SEL1L: variants seen among roughly 807,000 people sequenced by gnomAD.
SEL1L encodes SEL1L adaptor subunit of SYVN1 ubiquitin ligase, also known as protein sel-1 homolog 1.
A neutral mutation model predicts 109.8 loss-of-function variants in SEL1L; 52 were observed. That is an observed-to-expected ratio of 0.47 (90% CI 0.38 to 0.60). The LOEUF is 0.60. SEL1L is among the 20% of genes least tolerant of loss of function. The pLI, the probability that SEL1L is intolerant of heterozygous loss-of-function variation, is 0.00. For synonymous variants in SEL1L, 373 were observed against 339.6 expected (o/e 1.10, Z -1.08); for missense variants, 749 against 962.2 (o/e 0.78, Z 2.93).
rs1397004149 is a variant in SEL1L at position 81,471,976 on chromosome 14, C to G, written c.*4996G>C. 1 of 152,156 alleles carries G rather than the reference C, an allele frequency of 6.6e-6. No homozygotes were observed. Among genetic ancestry groups the G allele is most frequent in the African/African-American group, 2.4e-5 (1 of 41,418 alleles). 9.4% of individuals were successfully genotyped at this position (152,156 alleles called of 1,614,324 possible). ...TTTTTATTTTTCGTAGTTTCTACTACAGAAATTCTGATTTTTTTTACTTGC... is the reference window on the plus strand; with the variant it reads ...TTTTTATTTTTCGTAGTTTCTACTAGAGAAATTCTGATTTTTTTTACTTGC... On this transcript the variant is annotated 3_prime_UTR_variant, in exon 21 of 21. Coordinates refer to ENST00000336735, the MANE Select transcript of SEL1L (RefSeq NM_005065.6).
At chr14:81,498,262 A>G in intron 9 of SEL1L, 151 bp downstream of exon 9, 1 of 833,480 alleles carries the variant, frequency 1.2e-6, no homozygotes, top group Non-Finnish European at 1.8e-6. Context: ...ATATAAAGAA[A>G]AAAGTACTTC....
intron 11 of SEL1L, among the ~76,000 whole-genome samples, chr14:81,494,354 G>C (rs1883660455): frequency 6.6e-6 from 1 of 152,114 alleles, no homozygotes; most frequent in African/African-American, 2.4e-5. Flanking sequence ...TCTCTCACCT[G>C]AACTTCTCGA....
In SEL1L at chr14:81,528,915, C is replaced by T. The variant is rs558821309; in HGVS notation, c.71-1177G>A. On this transcript the variant is annotated intron_variant, in intron 1 of 20. Coordinates refer to ENST00000336735, the MANE Select transcript of SEL1L (RefSeq NM_005065.6). ...AGTTAAGACTAAGAAGTATAACCAA[C>T]TCAATTATGCACAAAATACAAGACA... 4.6e-5 allele frequency among the ~76,000 whole-genome samples: 7 copies of T among 152,228 alleles called. No individual in the cohort carries two copies. In the South Asian group the frequency reaches 1.2e-3, roughly 27 times the overall value.
intron 3 of SEL1L, 84 bp downstream of exon 3, chr14:81,526,649 C>A: frequency 1.0e-6 from 1 of 993,428 alleles, no homozygotes; most frequent in Non-Finnish European, 1.6e-6. Context: ...TGAAGCCAGT[C>A]TTCTTCAGCC....
intron 3 of SEL1L, among the ~76,000 whole-genome samples, chr14:81,513,249 C>T (rs1884560460): frequency 6.6e-6 from 1 of 152,212 alleles, no homozygotes; most frequent in Admixed American, 6.5e-5. Flanking sequence ...GGAATAAAAG[C>T]TGGCCACCTG....
chr14:81,526,522 A>G (rs1885120636), intron 3 of SEL1L, among the ~76,000 whole-genome samples: 1 of 152,236 alleles, frequency 6.6e-6, no homozygotes, highest in Non-Finnish European at 1.5e-5. Context: ...AATCTCATCT[A>G]TTGAATTCAG....
chr14:81,473,753 TAC>T lies in SEL1L; in HGVS notation c.*3217_*3218del, dbSNP rs1398581338. ...TTTTGCGTATGTAGTTAGACATTAA[TAC>T]ACATGCTATACACATAAAGAATTGT... On this transcript the variant is annotated 3_prime_UTR_variant, in exon 21 of 21. Transcript: ENST00000336735. 6.6e-6 allele frequency: 1 copy of T among 152,162 alleles called. No homozygotes were observed. The highest frequency in any genetic ancestry group is 1.5e-5 in the Non-Finnish European group (1 of 68,020). 9.4% of individuals were successfully genotyped at this position (152,162 alleles called of 1,614,324 possible).
At chr14:81,503,277 A>G (rs780251131) in intron 5 of SEL1L, among the ~76,000 whole-genome samples, 2 of 151,932 alleles carry the variant, frequency 1.3e-5, no homozygotes, top group Non-Finnish European at 2.9e-5. Context: ...ACGCCTAGCC[A>G]CCCCCTCTGA....
chr14:81,488,956 G>A, intron 14 of SEL1L: 2 of 380,970 alleles, frequency 5.2e-6, no homozygotes, highest in East Asian at 5.6e-5. Flanking sequence ...GCAAGGAGAT[G>A]TTTAAGTCCT....
intron 3 of SEL1L, among the ~76,000 whole-genome samples, chr14:81,513,943 C>CATCTATCCT (rs1392753867): frequency 6.6e-6 from 1 of 152,216 alleles, no homozygotes; most frequent in Non-Finnish European, 1.5e-5. Context: ...GAGACTCGCC[C>CATCTATCCT]ATCTATCCTA....
rs1008407149 is a variant in SEL1L at position 81,504,191 on chromosome 14, T to C, written c.614+10A>G. The C allele has an allele frequency of 3.9e-6, 6 of 1,552,544 alleles. No individual in the cohort carries two copies. The Middle Eastern group carries it at 6.7e-4, about 174-fold the overall frequency. The stretch of plus-strand genomic sequence containing the variant: ...CATGGGGGAAAAGTGGACTTAGCAG[T>C]GCTACCTACTCTCTTTTTTGGCTTT... On this transcript the variant is annotated intron_variant, in intron 5 of 20. Transcript: ENST00000336735.
At chr14:81,477,302 AATGT>A in intron 20 of SEL1L, 121 bp from the exon 21 acceptor site, 1 of 403,992 alleles carries the variant, frequency 2.5e-6, no homozygotes, top group Non-Finnish European at 4.4e-6. Flanking sequence ...AACGTTTTGC[AATGT>A]GTGTGTGTGT....
rs1252336241 is a variant in SEL1L at position 81,509,643 on chromosome 14, A to G, written c.341-3402T>C. On this transcript the variant is annotated intron_variant, in intron 3 of 20. Transcript: ENST00000336735. The stretch of plus-strand genomic sequence containing the variant: ...TCAGTCAAGAAAGTAAGAAAAAGTA[A>G]AAAGCAAAATAAAACGGAAAATATG... Among the ~76,000 whole-genome samples the G allele has an allele frequency of 3.9e-5, 6 of 152,246 alleles. No homozygotes were observed. In the East Asian group the frequency reaches 1.2e-3, roughly 29 times the overall value.
At chr14:81,492,043 G>A (rs548378522) in intron 12 of SEL1L, among the ~76,000 whole-genome samples, 3 of 150,052 alleles carry the variant, frequency 2.0e-5, no homozygotes, top group Non-Finnish European at 4.4e-5. Flanking sequence ...TTTTTTTTTA[G>A]ATGGAGTCTT....
At position 81,498,426 on chromosome 14, in the gene SEL1L, A is replaced by C; in HGVS notation, c.960T>G (p.Leu320=). 1 of 1,613,716 alleles carries C rather than the reference A, an allele frequency of 6.2e-7. No individual in the cohort carries two copies. Among genetic ancestry groups the C allele is most frequent in the Non-Finnish European group, 8.5e-7 (1 of 1,179,746 alleles). Residue 320 remains leucine, a synonymous_variant, in exon 9 of 21, where the codon CTT becomes CTG. Coordinates refer to ENST00000336735, the MANE Select transcript of SEL1L (RefSeq NM_005065.6). ...AAACATAGATACCATGATTGGCAAC[A>C]AGACGATAGTGAGTCAGGGCAGATT... ...SCESALTHYR[L]VANHVASDIS... is the part of the protein sequence containing the mutation.
rs140262171 is a variant in SEL1L, at chr14:81,497,181, TCTACGTTTCA to T, written c.1128+701_1128+710del. On this transcript the variant is annotated intron_variant, in intron 10 of 20. Transcript: ENST00000336735. ...TAATTTCTATCAGCTAACATTTAGATCTACGTTTCACTACGTTTTTTTTTCCTTAAGACTC... is the reference window on the plus strand; with the variant it reads ...TAATTTCTATCAGCTAACATTTAGATCTACGTTTTTTTTTCCTTAAGACTC... Among the ~76,000 whole-genome samples the T allele has an allele frequency of 1.0e-2, 1,516 of 152,336 alleles. 21 individuals are homozygous for T. Among genetic ancestry groups the T allele is most frequent in the African/African-American group, 0.034 (1,424 of 41,576 alleles).
rs1047279818 is a variant in SEL1L, at chr14:81,476,589, C to T, written c.*383G>A. 1 of 169,372 alleles carries T rather than the reference C, an allele frequency of 5.9e-6. No individual in the cohort carries two copies. Among genetic ancestry groups the T allele is most frequent in the Non-Finnish European group, 1.3e-5 (1 of 79,066 alleles). The allele number at this position is 169,372 out of a possible 1,614,324, so 10.5% of individuals were successfully genotyped here. A position where few individuals can be genotyped will look rare whatever the true frequency, so the allele number is the denominator to read the frequency against. ...TTTTACACTGATCAGTTTTTAGTGT[C>T]GATGCACAATACCTTAAAGATGGTT... On this transcript the variant is annotated 3_prime_UTR_variant, in exon 21 of 21. Coordinates refer to ENST00000336735, the MANE Select transcript of SEL1L (RefSeq NM_005065.6).
chr14:81,505,583 T>G (rs900985662), intron 4 of SEL1L, among the ~76,000 whole-genome samples: 2 of 152,170 alleles, frequency 1.3e-5, no homozygotes, highest in Non-Finnish European at 2.9e-5. Context: ...AGTTAGGAAG[T>G]TTTTCCTGAA....
At chr14:81,480,093 G>A (rs920189967) in intron 19 of SEL1L, among the ~76,000 whole-genome samples, 3 of 152,150 alleles carry the variant, frequency 2.0e-5, no homozygotes, top group Non-Finnish European at 2.9e-5. Flanking sequence ...ACTTCAATCA[G>A]TATTAGCAAC....
Sources: gnomAD v4.1 joint callset for allele counts (sites outside exome capture counted in the v4.1 genomes callset) on GRCh38, gnomAD v4.1.1 for gene constraint, MANE v1.5 for transcripts, NCBI Gene and HGNC (gene_info 2026-07-23, HGNC 2026-07-21) for gene names.